The following SGCZ variants were observed in gnomAD, a reference collection of about 807,000 sequenced individuals.
SGCZ encodes the protein zeta-sarcoglycan.
In SGCZ, 40 loss-of-function variants were observed where a neutral mutation model predicts 41.3. That is an observed-to-expected ratio of 0.97 (90% CI 0.75 to 1.26). The LOEUF (loss-of-function observed/expected upper bound fraction) is 1.26, where lower values mean the gene tolerates loss of function less well. Ranked by LOEUF, SGCZ falls within the 50% of genes most tolerant of loss-of-function variation. The probability of loss-of-function intolerance (pLI) is 0.00; values close to 1 mark genes in which losing one functional copy is unlikely to be tolerated. For missense variants in SGCZ, 552 were observed against 369.8 expected, an observed-to-expected ratio of 1.49 and a Z score of -4.04; for synonymous variants, 206 against 137.5, an observed-to-expected ratio of 1.50 and a Z score of -3.49.
chr8:14,211,993 T>G (rs77962715), intron 4 of SGCZ, among the ~76,000 whole-genome samples: 5,848 of 152,218 alleles, frequency 0.038, 122 homozygotes, highest in Middle Eastern at 0.092. Context: ...AACCCCTTCT[T>G]TGAATGATCT....
At chr8:14,485,340 G>A (rs1379788605) in intron 2 of SGCZ, among the ~76,000 whole-genome samples, 4 of 152,130 alleles carry the variant, frequency 2.6e-5, no homozygotes, top group African/African-American at 9.7e-5. Flanking sequence ...GGGTTCAAGC[G>A]ATTCTCCCGC....
At chr8:15,100,898 C>T (rs1217497872) in intron 1 of SGCZ, among the ~76,000 whole-genome samples, 1 of 152,004 alleles carries the variant, frequency 6.6e-6, no homozygotes, top group Non-Finnish European at 1.5e-5. Context: ...ATTGCTTGAG[C>T]CCAGGAGATT....
intron 3 of SGCZ, among the ~76,000 whole-genome samples, chr8:14,276,671 T>G (rs10094880): frequency 0.22 from 32,824 of 152,034 alleles, 3,723 homozygotes; most frequent in East Asian, 0.3. Context: ...TCTTTCCAAT[T>G]TGTATTTTAT....
intron 1 of SGCZ, among the ~76,000 whole-genome samples, chr8:14,695,659 T>C (rs900847541): frequency 2.0e-5 from 3 of 151,844 alleles, no homozygotes; most frequent in African/African-American, 7.3e-5. Flanking sequence ...AAACCTACAT[T>C]ACACAATATC....
chr8:15,093,739 G>A (rs1478309234), intron 1 of SGCZ, among the ~76,000 whole-genome samples: 2 of 152,140 alleles, frequency 1.3e-5, no homozygotes, highest in African/African-American at 4.8e-5. Flanking sequence ...ATTGATTTAT[G>A]ACGATTTGAC....
intron 1 of SGCZ, among the ~76,000 whole-genome samples, chr8:14,844,373 C>T (rs1316629563): frequency 6.6e-6 from 1 of 152,168 alleles, no homozygotes; most frequent in Non-Finnish European, 1.5e-5. Context: ...TATATCCTTT[C>T]CTACTGCCAT....
intron 4 of SGCZ, among the ~76,000 whole-genome samples, chr8:14,226,301 T>C (rs12676819): frequency 0.63 from 96,194 of 151,912 alleles, 30,805 homozygotes; most frequent in South Asian, 0.77. Context: ...TCCTAACACA[T>C]GCAGATTGCT....
chr8:14,445,000 C>T (rs1800391768), intron 2 of SGCZ, among the ~76,000 whole-genome samples: 1 of 152,170 alleles, frequency 6.6e-6, no homozygotes, highest in Non-Finnish European at 1.5e-5. Context: ...CCATTACTTT[C>T]CCCTGATGTA....
intron 1 of SGCZ, among the ~76,000 whole-genome samples, chr8:14,855,167 C>G (rs533056108): frequency 1.3e-5 from 2 of 152,108 alleles, no homozygotes; most frequent in African/African-American, 4.8e-5. Flanking sequence ...ATTCTCATGC[C>G]TTAGTCTCCT....
intron 3 of SGCZ, among the ~76,000 whole-genome samples, chr8:14,259,600 T>C (rs1233869888): frequency 4.6e-5 from 6 of 131,010 alleles, no homozygotes; most frequent in Non-Finnish European, 8.9e-5. Flanking sequence ...TTGTCAGGTT[T>C]GTCAAAGATC....
intron 1 of SGCZ, among the ~76,000 whole-genome samples, chr8:15,027,015 A>G (rs1400839347): frequency 6.6e-6 from 1 of 152,202 alleles, no homozygotes; most frequent in Non-Finnish European, 1.5e-5. Context: ...ATCATGAATG[A>G]GGGTAATTGT....
chr8:15,175,406 G>A (rs575979950), intron 1 of SGCZ, among the ~76,000 whole-genome samples: 9 of 152,140 alleles, frequency 5.9e-5, no homozygotes, highest in African/African-American at 2.2e-4. Context: ...GGAGCTGGAG[G>A]CCATTATCCG....
At chr8:14,764,109 T>A (rs945862342) in intron 1 of SGCZ, among the ~76,000 whole-genome samples, 1 of 152,152 alleles carries the variant, frequency 6.6e-6, no homozygotes, top group Non-Finnish European at 1.5e-5. Flanking sequence ...TCAAGACTAA[T>A]GGGAACATAT....
intron 1 of SGCZ, among the ~76,000 whole-genome samples, chr8:14,862,108 T>C (rs1803768592): frequency 6.6e-6 from 1 of 152,112 alleles, no homozygotes; most frequent in Admixed American, 6.6e-5. Context: ...AGTGACGACA[T>C]TAAGTCATTC....
At chr8:14,989,700 G>T (rs1451811691) in intron 1 of SGCZ, among the ~76,000 whole-genome samples, 3 of 152,126 alleles carry the variant, frequency 2.0e-5, no homozygotes. Flanking sequence ...ACTTGTCAAG[G>T]TTAGCTTTTC....
intron 1 of SGCZ, among the ~76,000 whole-genome samples, chr8:14,610,223 T>C (rs984030260): frequency 1.3e-5 from 2 of 152,128 alleles, no homozygotes; most frequent in African/African-American, 4.8e-5. Flanking sequence ...CACCTTGACC[T>C]AAAGACACTT....
chr8:14,664,367 C>T (rs13439026), intron 1 of SGCZ, among the ~76,000 whole-genome samples: 28,775 of 152,072 alleles, frequency 0.19, 3,502 homozygotes, highest in East Asian at 0.44. Flanking sequence ...TTACTTGAAA[C>T]GAGGGACCAT....
At chr8:15,051,202 G>A (rs751911707) in intron 1 of SGCZ, among the ~76,000 whole-genome samples, 34 of 152,178 alleles carry the variant, frequency 2.2e-4, no homozygotes, top group African/African-American at 4.8e-4. Flanking sequence ...CATCTAAGTC[G>A]AAAACGTAAA....
intron 1 of SGCZ, among the ~76,000 whole-genome samples, chr8:14,558,572 CTT>C (rs1804103566): frequency 2.9e-5 from 1 of 34,218 alleles, no homozygotes; most frequent in Non-Finnish European, 6.1e-5. Flanking sequence ...GAGAATGACT[CTT>C]AGAGAGAGAG....
Sources: allele counts gnomAD v4.1 joint callset (sites outside exome capture counted in the v4.1 genomes callset), GRCh38; gene constraint gnomAD v4.1.1; transcripts MANE v1.5; gene names NCBI Gene and HGNC (gene_info 2026-07-23, HGNC 2026-07-21).